The following ERI3 variants were observed in gnomAD, a reference collection of about 807,000 sequenced individuals.
The protein encoded by ERI3 is ERI1 exoribonuclease 3.
ERI3 carries 18 observed loss-of-function variants against 44.4 expected under a neutral mutation model. That is an observed-to-expected ratio of 0.41 (90% confidence interval 0.28 to 0.60). The LOEUF (loss-of-function observed/expected upper bound fraction) is 0.60. ERI3 is among the 20% of genes least tolerant of loss of function. The pLI is 0.36. For synonymous variants in ERI3, 183 were observed against 164.8 expected (o/e 1.11, Z -0.84); for missense variants, 294 against 435.5 (o/e 0.68, Z 2.89).
intron 6 of ERI3, among the ~76,000 whole-genome samples, chr1:44,307,665 A>G (rs896492878): frequency 1.1e-4 from 16 of 152,200 alleles, no homozygotes; most frequent in Admixed American, 5.9e-4. Context: ...AGACAAAGGT[A>G]AAAAAGCAGT....
chr1:44,236,366 T>C (rs1283023742), intron 8 of ERI3, among the ~76,000 whole-genome samples: 2 of 152,196 alleles, frequency 1.3e-5, no homozygotes, highest in South Asian at 4.1e-4. Context: ...AGACAGGCAT[T>C]AAACAACTTT....
intron 6 of ERI3, among the ~76,000 whole-genome samples, chr1:44,288,160 AG>A (rs1249174469): frequency 6.6e-6 from 1 of 151,012 alleles, no homozygotes; most frequent in African/African-American, 2.4e-5. Flanking sequence ...CCAGACAGTC[AG>A]GTTGGATACT....
intron 8 of ERI3, among the ~76,000 whole-genome samples, chr1:44,247,189 G>A (rs951028272): frequency 6.6e-6 from 1 of 152,058 alleles, no homozygotes; most frequent in Non-Finnish European, 1.5e-5. Flanking sequence ...TATAATCATG[G>A]ATACATTATA....
rs12045093 is a variant in ERI3, at chr1:44,302,467, G to A, written c.758+5843C>T. Among the ~76,000 whole-genome samples the A allele has an allele frequency of 0.023, 3,497 of 152,268 alleles. 614 individuals are homozygous for A. In the East Asian group the frequency reaches 0.48, roughly 21 times the overall value. On this transcript the variant is annotated intron_variant, in intron 6 of 8. Transcript: ENST00000372257. Reference sequence around the variant, plus strand: ...GGTACACCTGTGGGCAAGGGGCAACGGTGCGATGCCCCATGTGCTTCCAAA... The same window carrying A: ...GGTACACCTGTGGGCAAGGGGCAACAGTGCGATGCCCCATGTGCTTCCAAA...
At chr1:44,329,471 C>T (rs751483186) in intron 3 of ERI3, among the ~76,000 whole-genome samples, 1 of 152,330 alleles carries the variant, frequency 6.6e-6, no homozygotes, top group Middle Eastern at 3.4e-3. Flanking sequence ...CCTACCCACC[C>T]ATCTGTAACT....
At chr1:44,259,201 T>C (rs559646355) in intron 7 of ERI3, among the ~76,000 whole-genome samples, 44 of 152,024 alleles carry the variant, frequency 2.9e-4, no homozygotes, top group African/African-American at 1.0e-3. Flanking sequence ...GCTTTTATAA[T>C]AGGAGAGAAA....
At chr1:44,339,483 C>A (rs1219551795) in intron 2 of ERI3, among the ~76,000 whole-genome samples, 161 bp from the exon 3 acceptor site, 1 of 151,940 alleles carries the variant, frequency 6.6e-6, no homozygotes, top group Non-Finnish European at 1.5e-5. Context: ...TTCTGGGCCC[C>A]TTTTCTAAAT....
At chr1:44,324,505 G>A (rs1010595210) in intron 3 of ERI3, among the ~76,000 whole-genome samples, 63 of 117,076 alleles carry the variant, frequency 5.4e-4, no homozygotes, top group Non-Finnish European at 8.9e-4. Context: ...TTTTTGAGAC[G>A]GAGTCTCGCT....
rs1430972133 is a variant in ERI3 at position 44,351,811 on chromosome 1, T to A, written c.211+1039A>T. Reference sequence around the variant, plus strand: ...AATTCAACAAAGCTCTGACACTTGGTCCCTCATGTCTTCACCTAATTTTTT... The same window carrying A: ...AATTCAACAAAGCTCTGACACTTGGACCCTCATGTCTTCACCTAATTTTTT... On this transcript the variant is annotated intron_variant, in intron 2 of 8. Transcript: ENST00000372257. 4.6e-5 allele frequency among the ~76,000 whole-genome samples: 7 copies of A among 152,166 alleles called. No homozygotes were observed. The East Asian group carries it at 1.3e-3, about 29-fold the overall frequency.
At chr1:44,244,459 G>C (rs1314920698) in intron 8 of ERI3, among the ~76,000 whole-genome samples, 1 of 152,196 alleles carries the variant, frequency 6.6e-6, no homozygotes, top group Admixed American at 6.5e-5. Context: ...CCATTTGTGA[G>C]CTCTGTGGTG....
At chr1:44,234,650 C>T (rs1030062937) in intron 8 of ERI3, among the ~76,000 whole-genome samples, 11 of 152,238 alleles carry the variant, frequency 7.2e-5, no homozygotes, top group Admixed American at 3.9e-4. Flanking sequence ...CAGAATGAGA[C>T]TCTGTCTCAA....
At chr1:44,305,746 G>A (rs955900079) in intron 6 of ERI3, among the ~76,000 whole-genome samples, 1 of 152,232 alleles carries the variant, frequency 6.6e-6, no homozygotes, top group Non-Finnish European at 1.5e-5. Context: ...TGAAGCTGCT[G>A]AGGGGAGAAG....
At chr1:44,239,732 C>T (rs538270898) in intron 8 of ERI3, among the ~76,000 whole-genome samples, 1 of 152,308 alleles carries the variant, frequency 6.6e-6, no homozygotes, top group Non-Finnish European at 1.5e-5. Flanking sequence ...ATAATAGTAA[C>T]AGTGAGTGTA....
chr1:44,251,105 G>A (rs1379255366), intron 7 of ERI3, among the ~76,000 whole-genome samples: 1 of 152,208 alleles, frequency 6.6e-6, no homozygotes, highest in Non-Finnish European at 1.5e-5. Flanking sequence ...GCAGATAGCT[G>A]CCCACAAAAC....
intron 6 of ERI3, among the ~76,000 whole-genome samples, chr1:44,295,039 TC>T (rs1645581972): frequency 6.6e-6 from 1 of 152,148 alleles, no homozygotes; most frequent in Admixed American, 6.5e-5. Flanking sequence ...TGATTCCAGC[TC>T]CCCTGACACC....
chr1:44,257,513 A>G (rs1386458716), intron 7 of ERI3, among the ~76,000 whole-genome samples: 1 of 152,212 alleles, frequency 6.6e-6, no homozygotes, highest in African/African-American at 2.4e-5. Flanking sequence ...TGGGGGCAGA[A>G]GCCAAACAGA....
chr1:44,297,743 T>C (rs1645640182), intron 6 of ERI3, among the ~76,000 whole-genome samples: 1 of 152,198 alleles, frequency 6.6e-6, no homozygotes, highest in Non-Finnish European at 1.5e-5. Flanking sequence ...TTACCCTGGC[T>C]GGGAATTAGA....
chr1:44,250,029 G>A (rs1356538210), intron 7 of ERI3, among the ~76,000 whole-genome samples: 2 of 152,110 alleles, frequency 1.3e-5, no homozygotes, highest in Non-Finnish European at 2.9e-5. Context: ...CTCAAGCAAA[G>A]AAAAAAATAT....
intron 3 of ERI3, chr1:44,323,068 T>C: frequency 4.4e-6 from 3 of 676,300 alleles, no homozygotes; most frequent in East Asian, 3.4e-5. Flanking sequence ...AAGAGGTTTA[T>C]TTCAGAAACA....
Sources: gnomAD v4.1 joint callset for allele counts (sites outside exome capture counted in the v4.1 genomes callset) on GRCh38, gnomAD v4.1.1 for gene constraint, MANE v1.5 for transcripts, NCBI Gene and HGNC (gene_info 2026-07-23, HGNC 2026-07-21) for gene names.